CNTNAP5: variants seen among roughly 807,000 people sequenced by gnomAD.
CNTNAP5 encodes the protein contactin-associated protein-like 5.
Under a neutral mutation model 150.2 loss-of-function variants are expected in CNTNAP5, and 72 were observed. The ratio of observed to expected loss-of-function variants is 0.48; its 90% CI spans 0.40 to 0.58. The LOEUF (loss-of-function observed/expected upper bound fraction) is 0.58, where lower values mean the gene tolerates loss of function less well. Among genes scored for constraint, CNTNAP5 ranks in the 20% least tolerant of loss-of-function variants. The pLI is 0.00. For synonymous variants in CNTNAP5, 672 were observed against 619.8 expected (o/e 1.08, Z -1.25); for missense variants, 1,636 against 1,626.2 (o/e 1.01, Z -0.10).
At chr2:124,459,138 A>C (rs1367289930) in intron 6 of CNTNAP5, among the ~76,000 whole-genome samples, 1 of 152,188 alleles carries the variant, frequency 6.6e-6, no homozygotes, top group Non-Finnish European at 1.5e-5. Flanking sequence ...AACTTATCAA[A>C]AAGGGATTTG....
chr2:124,745,937 T>A (rs912859039), intron 13 of CNTNAP5, among the ~76,000 whole-genome samples: 1 of 152,210 alleles, frequency 6.6e-6, no homozygotes, highest in Non-Finnish European at 1.5e-5. Flanking sequence ...TGGAGGCAAG[T>A]AAGAGAAAGT....
chr2:124,224,802 TAAG>T (rs1180368698), intron 2 of CNTNAP5, among the ~76,000 whole-genome samples: 1 of 152,092 alleles, frequency 6.6e-6, no homozygotes, highest in Non-Finnish European at 1.5e-5. Context: ...TTTAGAAAGT[TAAG>T]AAGAAAACTT....
chr2:124,589,483 A>C (rs1427681820), intron 11 of CNTNAP5, among the ~76,000 whole-genome samples: 1 of 152,168 alleles, frequency 6.6e-6, no homozygotes, highest in Admixed American at 6.5e-5. Context: ...ATGGACATGC[A>C]TATGTCAGCT....
At chr2:124,718,763 GA>G (rs1253957189) in intron 13 of CNTNAP5, among the ~76,000 whole-genome samples, 1 of 151,852 alleles carries the variant, frequency 6.6e-6, no homozygotes, top group East Asian at 1.9e-4. Context: ...CCAATATGTC[GA>G]AACCCCGTCT....
Position 124,493,530 on chromosome 2 carries a change from C to CGG in CNTNAP5, c.1063-10759_1063-10758dup, listed in dbSNP as rs1205699695. Reference sequence around the variant, plus strand: ...TAATTTTTTATATTTTTAGTAGAGACGGGGTTTCACCATGTTGGCCAGGAT... The same window carrying CGG: ...TAATTTTTTATATTTTTAGTAGAGACGGGGGGTTTCACCATGTTGGCCAGGAT... On this transcript the variant is annotated intron_variant, in intron 7 of 23. Transcript: ENST00000682447. 6.6e-5 allele frequency among the ~76,000 whole-genome samples: 10 copies of CGG among 151,780 alleles called. No homozygotes were observed. The East Asian group carries it at 1.9e-3, about 30-fold the overall frequency.
intron 3 of CNTNAP5, among the ~76,000 whole-genome samples, chr2:124,315,897 G>A (rs1216124226): frequency 6.6e-6 from 1 of 152,166 alleles, no homozygotes; most frequent in Non-Finnish European, 1.5e-5. Context: ...GGGAAAGAAA[G>A]TTCTTCATTC....
chr2:124,644,015 G>A (rs901472893), intron 12 of CNTNAP5, among the ~76,000 whole-genome samples: 4 of 152,218 alleles, frequency 2.6e-5, no homozygotes, highest in African/African-American at 9.6e-5. Flanking sequence ...TGACTCCAGA[G>A]CCCATACTTT....
intron 1 of CNTNAP5, among the ~76,000 whole-genome samples, chr2:124,045,914 C>G (rs1233642164): frequency 1.3e-5 from 2 of 152,130 alleles, no homozygotes. Flanking sequence ...TGTTGTGAAT[C>G]CCCTGAAATT....
chr2:124,883,046 A>G (rs1210422718), intron 21 of CNTNAP5, among the ~76,000 whole-genome samples: 1 of 148,272 alleles, frequency 6.7e-6, no homozygotes, highest in African/African-American at 2.5e-5. Flanking sequence ...GAGCCTAACC[A>G]TATCAATATA....
intron 1 of CNTNAP5, among the ~76,000 whole-genome samples, chr2:124,042,194 C>T (rs1479359752): frequency 1.3e-5 from 2 of 152,124 alleles, no homozygotes; most frequent in African/African-American, 4.8e-5. Context: ...TTTCTTCCAG[C>T]ATTTAGACTT....
rs541306700 is a variant in CNTNAP5 at position 124,736,002 on chromosome 2, G to A, written c.2078-11227G>A. 3.9e-5 allele frequency among the ~76,000 whole-genome samples: 6 copies of A among 152,176 alleles called. No individual in the cohort carries two copies. The East Asian group carries it at 5.8e-4, about 15-fold the overall frequency. On this transcript the variant is annotated intron_variant, in intron 13 of 23. Coordinates refer to ENST00000682447, the MANE Select transcript of CNTNAP5 (RefSeq NM_001367498.1). ...TCACAGCACTTTGGGAGGCTGAGGC[G>A]GGCAGATCACCTGAGGTCAGGAGTT...
At chr2:124,811,908 C>G (rs1194136937) in intron 19 of CNTNAP5, among the ~76,000 whole-genome samples, 1 of 139,156 alleles carries the variant, frequency 7.2e-6, no homozygotes, top group Non-Finnish European at 1.5e-5. Context: ...TGCCACCGCA[C>G]TCCAGCCTGG....
intron 19 of CNTNAP5, among the ~76,000 whole-genome samples, chr2:124,862,528 C>A (rs1677547829): frequency 6.6e-6 from 1 of 152,094 alleles, no homozygotes; most frequent in African/African-American, 2.4e-5. Context: ...TAGAGGAAGG[C>A]CTGAGGATAG....
intron 3 of CNTNAP5, among the ~76,000 whole-genome samples, chr2:124,318,135 C>T (rs912599533): frequency 1.3e-5 from 2 of 152,180 alleles, no homozygotes; most frequent in Non-Finnish European, 2.9e-5. Context: ...GGCCACAGCA[C>T]ACACCAGTGG....
chr2:124,536,540 C>T lies in CNTNAP5; in HGVS notation c.1649+9084C>T, dbSNP rs372008203. ...ATCGCCGTTTTCTACATAAGACAAC[C>T]AATTCTTAGAGAGGTTCAGTGACTG... On this transcript the variant is annotated intron_variant, in intron 10 of 23. Coordinates refer to ENST00000682447, the MANE Select transcript of CNTNAP5 (RefSeq NM_001367498.1). 9.9e-5 allele frequency among the ~76,000 whole-genome samples: 15 copies of T among 152,190 alleles called. No homozygotes were observed. The South Asian group carries it at 2.9e-3, about 29-fold the overall frequency.
At chr2:124,706,911 A>AAGG (rs1679670166) in intron 13 of CNTNAP5, among the ~76,000 whole-genome samples, 1 of 82,678 alleles carries the variant, frequency 1.2e-5, no homozygotes, top group Non-Finnish European at 2.7e-5. Context: ...AAGGAGGAGG[A>AAGG]GGAGGAGAAG....
chr2:124,647,536 C>T (rs1296350330), intron 12 of CNTNAP5, among the ~76,000 whole-genome samples: 4 of 152,152 alleles, frequency 2.6e-5, no homozygotes, highest in Admixed American at 1.3e-4. Context: ...ACTGTAGAGC[C>T]TGTGGGAAAA....
At chr2:124,340,556 G>A (rs893830456) in intron 3 of CNTNAP5, among the ~76,000 whole-genome samples, 1 of 151,942 alleles carries the variant, frequency 6.6e-6, no homozygotes, top group Non-Finnish European at 1.5e-5. Flanking sequence ...AAGGTAAAGG[G>A]TAGAACTTCA....
chr2:124,692,225 GA>G (rs1407930148), intron 13 of CNTNAP5, among the ~76,000 whole-genome samples: 2 of 152,072 alleles, frequency 1.3e-5, no homozygotes, highest in Admixed American at 6.6e-5. Context: ...GAAATTCTGA[GA>G]AATAGTTAAC....
Sources: allele counts gnomAD v4.1 joint callset (sites outside exome capture counted in the v4.1 genomes callset), GRCh38; gene constraint gnomAD v4.1.1; transcripts MANE v1.5; gene names NCBI Gene and HGNC (gene_info 2026-07-23, HGNC 2026-07-21).